Variants in DNAAF9 observed in about 807,000 individuals in gnomAD.
DNAAF9 encodes shulin.
Under a neutral mutation model 167.0 loss-of-function variants are expected in DNAAF9, and 90 were observed. The observed-to-expected ratio is 0.54, with a 90% CI of 0.45 to 0.64. The LOEUF is 0.64. DNAAF9 is among the 30% of genes least tolerant of loss of function. The probability of loss-of-function intolerance (pLI) is 0.00; values close to 1 mark genes in which losing one functional copy is unlikely to be tolerated. For missense variants in DNAAF9, 1,315 were observed against 1,442.2 expected (o/e 0.91, Z 1.43); for synonymous variants, 491 against 508.8 (o/e 0.96, Z 0.47).
Position 3,316,737 on chromosome 20 carries a change from A to T in DNAAF9, c.1525T>A (p.Phe509Ile). The part of the protein sequence containing the change: ...SVVLTAAVPR[F>I]CSWLVEDNEV... ...ATGACACTAACCAGCCAGGAGCAGA[A>T]TCTGGGTACAGCAGCAGTCAGGACT... Residue 509 changes from phenylalanine to isoleucine, a missense_variant, in exon 18 of 37, where the codon TTC (phenylalanine) becomes ATC (isoleucine). Physicochemically the swap from Phe to Ile is conservative, Grantham distance 21. Transcript: ENST00000252032. 1 of 1,613,426 alleles carries T rather than the reference A, an allele frequency of 6.2e-7. No individual in the cohort carries two copies. Among genetic ancestry groups the T allele is most frequent in the African/African-American group, 1.3e-5 (1 of 75,012 alleles).
chr20:3,395,873 T>C (rs1488180022), intron 1 of DNAAF9, among the ~76,000 whole-genome samples: 21 of 152,206 alleles, frequency 1.4e-4, no homozygotes, highest in Admixed American at 1.4e-3. Flanking sequence ...TTTGCCTGTG[T>C]CCCCACCCAA....
intron 30 of DNAAF9, among the ~76,000 whole-genome samples, chr20:3,268,022 CT>C (rs755499907): frequency 4.8e-3 from 635 of 133,248 alleles, no homozygotes; most frequent in South Asian, 0.011. Context: ...GATAGGTTTA[CT>C]TTTTTTTTTT....
intron 21 of DNAAF9, among the ~76,000 whole-genome samples, chr20:3,300,849 ATTGTTTT>A (rs2069172964): frequency 1.0e-5 from 1 of 98,038 alleles, no homozygotes; most frequent in Admixed American, 9.7e-5. Context: ...CAGCCCTGGA[ATTGTTTT>A]CTTAATATCT....
At chr20:3,261,965 G>C (rs1464527945) in intron 31 of DNAAF9, among the ~76,000 whole-genome samples, 1 of 152,096 alleles carries the variant, frequency 6.6e-6, no homozygotes, top group East Asian at 1.9e-4. Flanking sequence ...TGCGAACAGA[G>C]AAGGATGTGG....
chr20:3,351,248 T>C (rs1257738567), intron 7 of DNAAF9, among the ~76,000 whole-genome samples: 1 of 152,152 alleles, frequency 6.6e-6, no homozygotes, highest in Non-Finnish European at 1.5e-5. Flanking sequence ...ATCCCAGCAC[T>C]CTGGGAGGCT....
At chr20:3,307,967 T>TA (rs367851853) in intron 20 of DNAAF9, among the ~76,000 whole-genome samples, 52,571 of 123,338 alleles carry the variant, frequency 0.43, 11,093 homozygotes, top group Middle Eastern at 0.55. Flanking sequence ...ACACAAGGTT[T>TA]AAAAAAAAAA....
chr20:3,260,324 C>T (rs6139052), intron 31 of DNAAF9, among the ~76,000 whole-genome samples: 25,211 of 151,746 alleles, frequency 0.17, 2,272 homozygotes, highest in Non-Finnish European at 0.19. Flanking sequence ...CCGGCCTGGG[C>T]GACAGAGCAA....
rs201615027 is a variant in DNAAF9, at chr20:3,324,893, G to T, written c.1264C>A (p.Arg422Ser). 1 of 1,562,400 alleles carries T rather than the reference G, an allele frequency of 6.4e-7. No homozygotes were observed. The highest frequency in any genetic ancestry group is 8.8e-7 in the Non-Finnish European group (1 of 1,133,870). The change falls in exon 14 of 37, where the codon CGC becomes AGC. Residue 422 changes from arginine (R) to serine (S), a missense_variant and splice_region_variant. By Grantham distance (110) the Arg-to-Ser change is moderately radical. Around this residue, in one of 2 missense-constraint regions of DNAAF9, gnomAD observed 981 missense variants for 1,012.5 expected, o/e 0.97. Coordinates refer to ENST00000252032, the MANE Select transcript of DNAAF9 (RefSeq NM_001009984.3). ...TAAAAAATATCAGCCATTGCTTACC[G>T]CAGGGCTGCCTTAAACGGAATCAAC... ...FELIPFKAALRSKMTFHIHAV... is the reference protein window; with the variant it reads ...FELIPFKAALSSKMTFHIHAV...
chr20:3,330,608 C>T, intron 12 of DNAAF9, 38 bp downstream of exon 12: 1 of 1,364,826 alleles, frequency 7.3e-7, no homozygotes, highest in Non-Finnish European at 1.0e-6. Context: ...CTGAGTAACT[C>T]AACTTTGAGA....
intron 1 of DNAAF9, among the ~76,000 whole-genome samples, chr20:3,394,335 T>C (rs1024682673): frequency 7.2e-6 from 1 of 138,464 alleles, no homozygotes; most frequent in Non-Finnish European, 1.6e-5. Flanking sequence ...TGAAACTCCG[T>C]CTCAAAAAAA....
chr20:3,392,685 C>G (rs2083843168), intron 1 of DNAAF9, among the ~76,000 whole-genome samples: 1 of 152,130 alleles, frequency 6.6e-6, no homozygotes. Context: ...GCATGAACAG[C>G]CAGGTATGTT....
chr20:3,343,903 G>C (rs931108815), intron 8 of DNAAF9, among the ~76,000 whole-genome samples, 172 bp from the exon 9 acceptor site: 2 of 152,088 alleles, frequency 1.3e-5, no homozygotes, highest in East Asian at 3.9e-4. Flanking sequence ...GCTACAGAAA[G>C]GGAGAGATGT....
At position 3,340,649 on chromosome 20, in the gene DNAAF9, G is replaced by T. The variant is rs779436967; in HGVS notation, c.846-10C>A. Reference sequence around the variant, plus strand: ...TGGCTGCCGGTTAGGGCTAGAGAGGGAAGTCAAAAACATGTGATTAGAAAA... The same window carrying T: ...TGGCTGCCGGTTAGGGCTAGAGAGGTAAGTCAAAAACATGTGATTAGAAAA... On this transcript the variant is annotated splice_polypyrimidine_tract_variant and intron_variant, in intron 9 of 36. Coordinates refer to ENST00000252032, the MANE Select transcript of DNAAF9 (RefSeq NM_001009984.3). 6.2e-7 allele frequency: 1 copy of T among 1,613,720 alleles called. No individual in the cohort carries two copies.
chr20:3,255,330 G>A (rs1284050642), intron 34 of DNAAF9, 46 bp from the exon 35 acceptor site: 1 of 1,243,936 alleles, frequency 8.0e-7, no homozygotes, highest in East Asian at 2.5e-5. Context: ...AGAACTCATG[G>A]AGTGCATGGG....
intron 10 of DNAAF9, among the ~76,000 whole-genome samples, chr20:3,333,240 C>T (rs1289065355): frequency 1.3e-5 from 2 of 152,112 alleles, no homozygotes; most frequent in African/African-American, 4.8e-5. Context: ...AATTTTTATT[C>T]TTCTTCCCTG....
At chr20:3,401,053 C>G (rs1388688500) in intron 1 of DNAAF9, among the ~76,000 whole-genome samples, 1 of 152,142 alleles carries the variant, frequency 6.6e-6, no homozygotes, top group Non-Finnish European at 1.5e-5. Flanking sequence ...CTGGGACCAT[C>G]TGTACCGTAG....
chr20:3,350,128 CACA>C, intron 7 of DNAAF9, among the ~76,000 whole-genome samples: 1 of 146,376 alleles, frequency 6.8e-6, no homozygotes, highest in African/African-American at 2.5e-5. Context: ...CTATCAGACA[CACA>C]GACACACAGA....
Position 3,389,112 on chromosome 20 carries a change from G to A in DNAAF9, c.84-6606C>T, listed in dbSNP as rs576494717. On this transcript the variant is annotated intron_variant, in intron 1 of 36. Transcript: ENST00000252032. ...GCTTCCCAAGTAGCTGGGATTACAGGCGCCCGCCACCCAACCCAGCTAATT... is the reference window on the plus strand; with the variant it reads ...GCTTCCCAAGTAGCTGGGATTACAGACGCCCGCCACCCAACCCAGCTAATT... Among the ~76,000 whole-genome samples the A allele has an allele frequency of 7.9e-5, 12 of 151,942 alleles. No individual in the cohort carries two copies. In the South Asian group the frequency reaches 2.3e-3, roughly 29 times the overall value.
At chr20:3,321,727 C>T (rs909831285) in intron 16 of DNAAF9, among the ~76,000 whole-genome samples, 2 of 152,254 alleles carry the variant, frequency 1.3e-5, no homozygotes, top group East Asian at 3.9e-4. Context: ...TGCCACCACA[C>T]CTGCCTAATT....
Sources: gnomAD v4.1 joint callset for allele counts (sites outside exome capture counted in the v4.1 genomes callset) on GRCh38, gnomAD v4.1.1 for gene constraint, gnomAD v4.1.1 regional missense constraint, MANE v1.5 for transcripts, NCBI Gene and HGNC (gene_info 2026-07-23, HGNC 2026-07-21) for gene names.